The following SNTB1 variants were observed in gnomAD, a reference collection of about 807,000 sequenced individuals.
SNTB1 encodes the protein syntrophin beta 1.
In SNTB1, 36 loss-of-function variants were observed where a neutral mutation model predicts 48.9. The ratio of observed to expected loss-of-function variants is 0.74; its 90% CI spans 0.56 to 0.97. SNTB1 has a LOEUF of 0.97. Among genes scored for constraint, SNTB1 ranks in the 50% least tolerant of loss-of-function variants. SNTB1 has a pLI of 0.00. For missense variants in SNTB1, 786 were observed against 703.4 expected (o/e 1.12, Z -1.33); for synonymous variants, 299 against 294.6 (o/e 1.01, Z -0.15).
intron 1 of SNTB1, among the ~76,000 whole-genome samples, chr8:120,753,600 T>C (rs1819259772): frequency 6.6e-6 from 1 of 152,168 alleles, no homozygotes; most frequent in African/African-American, 2.4e-5. Flanking sequence ...AGAACTTCGG[T>C]CCCACAGTGC....
intron 1 of SNTB1, among the ~76,000 whole-genome samples, chr8:120,810,548 T>C (rs7829568): frequency 0.15 from 22,238 of 151,948 alleles, 5,332 homozygotes; most frequent in African/African-American, 0.5. Flanking sequence ...GACAGAAAAA[T>C]CACTTCACCA....
chr8:120,807,517 C>T (rs1053672984), intron 1 of SNTB1, among the ~76,000 whole-genome samples: 13 of 152,302 alleles, frequency 8.5e-5, no homozygotes, highest in Non-Finnish European at 1.5e-4. Context: ...GTCTAAACAC[C>T]GGCTTAACTG....
At chr8:120,720,954 CA>C (rs946743627) in intron 1 of SNTB1, among the ~76,000 whole-genome samples, 35 of 152,326 alleles carry the variant, frequency 2.3e-4, no homozygotes, top group African/African-American at 7.7e-4. Flanking sequence ...TTAGGAAACT[CA>C]ACTCAGGCAT....
rs575052467 is a variant in SNTB1, at chr8:120,794,492, T to C, written c.571+16781A>G. ...GTATGTACTATTTTATATATATATA[T>C]ACACACACACACTCAAGTATATAAA... is the stretch of plus-strand genomic sequence containing the variant. On this transcript the variant is annotated intron_variant, in intron 1 of 6. Coordinates refer to ENST00000517992, the MANE Select transcript of SNTB1 (RefSeq NM_021021.4). Among the ~76,000 whole-genome samples the C allele has an allele frequency of 2.5e-3, 386 of 151,610 alleles. 1 individual carries two copies. Among genetic ancestry groups the C allele is most frequent in the African/African-American group, 8.2e-3 (340 of 41,312 alleles).
chr8:120,650,889 T>C (rs563529846), intron 2 of SNTB1, among the ~76,000 whole-genome samples: 3 of 152,286 alleles, frequency 2.0e-5, no homozygotes, highest in South Asian at 4.1e-4. Flanking sequence ...GACTTTCAGA[T>C]TGGCTTTATG....
At chr8:120,571,478 GGTT>G (rs1815844481) in intron 4 of SNTB1, 4 of 243,958 alleles carry the variant, frequency 1.6e-5, no homozygotes, top group African/African-American at 6.3e-5. Flanking sequence ...GACTATTGAG[GGTT>G]TTTTTTTTTT....
rs1485510630 is a variant in SNTB1 at position 120,652,327 on chromosome 8, G to T, written c.789-19676C>A. ...AACAATTTGGACCAAAGAGATCCAG[G>T]CCCAGAGTTTCTACTGAATGCAGTG... is the stretch of plus-strand genomic sequence containing the variant. On this transcript the variant is annotated intron_variant, in intron 2 of 6. Coordinates refer to ENST00000517992, the MANE Select transcript of SNTB1 (RefSeq NM_021021.4). Among the ~76,000 whole-genome samples the T allele has an allele frequency of 2.0e-5, 3 of 152,232 alleles. No individual in the cohort carries two copies. The East Asian group carries it at 5.8e-4, about 29-fold the overall frequency.
At chr8:120,620,891 TTACCTCCATCCTTCCCTCTCTTCC>T (rs1816783551) in intron 3 of SNTB1, among the ~76,000 whole-genome samples, 1 of 94,332 alleles carries the variant, frequency 1.1e-5, no homozygotes, top group African/African-American at 4.1e-5. Context: ...CCTCCCTCCC[TTACCTCCATCCTTCCCTCTCTTCC>T]TCCCTCCCTC....
Position 120,548,873 on chromosome 8 carries a change from T to C in SNTB1, c.1222A>G (p.Ile408Val). The C allele has an allele frequency of 6.2e-7, 1 of 1,613,878 alleles. No individual in the cohort carries two copies. Among genetic ancestry groups the C allele is most frequent in the South Asian group, 1.1e-5 (1 of 91,054 alleles). ...TCTGCTCTGAAGAGATGTGTTTCAATCCCTTGCCTGGTACCAGTTCGCGTT... is the reference window on the plus strand; with the variant it reads ...TCTGCTCTGAAGAGATGTGTTTCAACCCCTTGCCTGGTACCAGTTCGCGTT... ...FATRTGTRQG[I>V]ETHLFRAETS... Residue 408 changes from isoleucine (I) to valine (V), a missense_variant, in exon 5 of 7, where the codon ATT becomes GTT. Transcript: ENST00000517992.
At chr8:120,633,604 CAAATA>C (rs1276801712) in intron 2 of SNTB1, among the ~76,000 whole-genome samples, 7 of 151,556 alleles carry the variant, frequency 4.6e-5, no homozygotes, top group African/African-American at 7.3e-5. Context: ...GACTCGGTCT[CAAATA>C]AAATAAAATA....
At chr8:120,729,729 G>A (rs936931303) in intron 1 of SNTB1, among the ~76,000 whole-genome samples, 5 of 152,206 alleles carry the variant, frequency 3.3e-5, no homozygotes, top group Admixed American at 2.6e-4. Flanking sequence ...TGAGAGTCCT[G>A]TTGCTTTCAG....
intron 1 of SNTB1, among the ~76,000 whole-genome samples, chr8:120,755,418 CATGA>C (rs1468073473): frequency 6.6e-6 from 1 of 151,928 alleles, no homozygotes; most frequent in Non-Finnish European, 1.5e-5. Context: ...CATGGGCTGT[CATGA>C]TCAGGGAGAG....
At chr8:120,742,771 C>T (rs1016249463) in intron 1 of SNTB1, among the ~76,000 whole-genome samples, 18 of 152,240 alleles carry the variant, frequency 1.2e-4, no homozygotes, top group African/African-American at 4.3e-4. Context: ...AGATAGGGAA[C>T]TTTACACAAA....
At chr8:120,764,930 A>T (rs7459770) in intron 1 of SNTB1, among the ~76,000 whole-genome samples, 3,495 of 151,828 alleles carry the variant, frequency 0.023, 134 homozygotes, top group African/African-American at 0.08. Context: ...ATTCCAGTTT[A>T]AAAAAAAACT....
Position 120,537,750 on chromosome 8 carries a change from C to G in SNTB1, c.*1127G>C, listed in dbSNP as rs183641625. ...AAATCAGTAATGTGCTATATAATGT[C>G]TGAAAATATTCCTGTAGAAAGATAT... On this transcript the variant is annotated 3_prime_UTR_variant, in exon 7 of 7. Transcript: ENST00000517992. The G allele has an allele frequency of 6.6e-6, 1 of 152,274 alleles. No homozygotes were observed. Among genetic ancestry groups the G allele is most frequent in the Admixed American group, 6.5e-5 (1 of 15,290 alleles). 9.4% of individuals were successfully genotyped at this position (152,274 alleles called of 1,614,324 possible).
At chr8:120,644,945 G>A (rs1587058214) in intron 2 of SNTB1, among the ~76,000 whole-genome samples, 1 of 151,902 alleles carries the variant, frequency 6.6e-6, no homozygotes, top group East Asian at 1.9e-4. Flanking sequence ...GTGTTTTTTG[G>A]CTGCATGAAT....
intron 4 of SNTB1, among the ~76,000 whole-genome samples, chr8:120,552,639 G>A (rs565183199): frequency 1.8e-4 from 27 of 152,168 alleles, no homozygotes; most frequent in African/African-American, 6.0e-4. Context: ...CGCTGCACCC[G>A]GCCAAAGGAA....
intron 2 of SNTB1, among the ~76,000 whole-genome samples, chr8:120,673,441 T>A (rs558837674): frequency 6.6e-6 from 1 of 151,930 alleles, no homozygotes; most frequent in East Asian, 1.9e-4. Flanking sequence ...CAAGCATGCA[T>A]CACCATGCCC....
At chr8:120,778,431 A>T (rs1467406436) in intron 1 of SNTB1, among the ~76,000 whole-genome samples, 2 of 152,234 alleles carry the variant, frequency 1.3e-5, no homozygotes, top group African/African-American at 2.4e-5. Context: ...CCTCTAAATC[A>T]GGAATCCTGA....
Sources: allele counts gnomAD v4.1 joint callset (sites outside exome capture counted in the v4.1 genomes callset), GRCh38; gene constraint gnomAD v4.1.1; transcripts MANE v1.5; gene names NCBI Gene and HGNC (gene_info 2026-07-23, HGNC 2026-07-21).